Variants in MACROD1 observed in about 807,000 individuals in gnomAD.
The protein encoded by MACROD1 is mono-ADP ribosylhydrolase 1.
MACROD1 carries 31 observed loss-of-function variants against 41.4 expected under a neutral mutation model. The observed-to-expected ratio is 0.75, with a 90% CI of 0.56 to 1.01. MACROD1 has a LOEUF of 1.01. MACROD1 is among the 50% of genes least tolerant of loss of function. The probability of loss-of-function intolerance (pLI) is 0.00; values close to 1 mark genes in which losing one functional copy is unlikely to be tolerated. For missense variants in MACROD1, 473 were observed against 460.0 expected (o/e 1.03, Z -0.26); for synonymous variants, 252 against 203.4 (o/e 1.24, Z -2.03).
chr11:64,152,366 T>C lies in MACROD1; in HGVS notation c.326A>G (p.Gln109Arg). ...CTTGCAGAAGTAATGTTCCTCCCGC[T>C]GCTTGTCACTCAGGCCCTTCAGAAA... ...KSFLKGLSDKQREEHYFCKDF... is the reference protein window; with the variant it reads ...KSFLKGLSDKRREEHYFCKDF... The change falls in exon 2 of 11, where the codon CAG becomes CGG. Residue 109 changes from glutamine (Q) to arginine (R), a missense_variant. Physicochemically the swap from Gln to Arg is conservative, Grantham distance 43. Coordinates refer to ENST00000255681, the MANE Select transcript of MACROD1 (RefSeq NM_014067.4). 3 of 1,614,252 alleles carry C rather than the reference T, an allele frequency of 1.9e-6. No homozygotes were observed. Among genetic ancestry groups the C allele is most frequent in the Non-Finnish European group, 2.5e-6 (3 of 1,180,040 alleles).
At chr11:64,089,600 G>A (rs576068402) in intron 3 of MACROD1, among the ~76,000 whole-genome samples, 3 of 152,344 alleles carry the variant, frequency 2.0e-5, no homozygotes, top group East Asian at 1.9e-4. Context: ...AAAACTTGGG[G>A]AGACTGTTCT....
chr11:64,148,926 G>T (rs1357685447), intron 3 of MACROD1: 3 of 985,364 alleles, frequency 3.0e-6, no homozygotes, highest in Non-Finnish European at 3.6e-6. Flanking sequence ...CAAAGCCCTG[G>T]ACGGCTGAAA....
At chr11:64,052,600 A>G (rs1943714698) in intron 3 of MACROD1, among the ~76,000 whole-genome samples, 2 of 152,202 alleles carry the variant, frequency 1.3e-5, no homozygotes, top group African/African-American at 4.8e-5. Flanking sequence ...TGGCTAATCA[A>G]TCCCAGCCCT....
intron 3 of MACROD1, chr11:64,117,191 G>A (rs147204811): frequency 5.0e-6 from 8 of 1,614,060 alleles, no homozygotes; most frequent in African/African-American, 1.3e-5. Context: ...ACCTGACCAC[G>A]CTGCCCCGCG....
At chr11:64,107,491 A>G (rs2248594) in intron 3 of MACROD1, among the ~76,000 whole-genome samples, 152,331 of 152,380 alleles carry the variant, frequency 1, 76,141 homozygotes, top group Middle Eastern at 1. Flanking sequence ...CACCAGCGCC[A>G]CCCAGCCGGC....
At chr11:64,138,622 T>C in intron 3 of MACROD1, 1 of 868,804 alleles carries the variant, frequency 1.2e-6, no homozygotes, top group Non-Finnish European at 1.4e-6. Context: ...CGGGCCTCTC[T>C]CCCCAACTGC....
intron 3 of MACROD1, among the ~76,000 whole-genome samples, chr11:64,028,119 C>T (rs1291121330): frequency 6.6e-6 from 1 of 150,946 alleles, no homozygotes. Flanking sequence ...GCGGAAGAAG[C>T]AGTTGTGTCT....
intron 3 of MACROD1, among the ~76,000 whole-genome samples, chr11:64,024,009 T>C (rs1943193667): frequency 6.6e-6 from 1 of 152,066 alleles, no homozygotes; most frequent in Non-Finnish European, 1.5e-5. Context: ...CACCCCAAGC[T>C]GTCCCCTAAA....
chr11:64,035,243 G>A (rs1391831634), intron 3 of MACROD1, among the ~76,000 whole-genome samples: 2 of 152,100 alleles, frequency 1.3e-5, no homozygotes, highest in African/African-American at 2.4e-5. Flanking sequence ...GGTGGGAGGG[G>A]TATTGCTGGG....
chr11:64,117,781 T>A, intron 3 of MACROD1: 1 of 1,614,106 alleles, frequency 6.2e-7, no homozygotes, highest in Non-Finnish European at 8.5e-7. Context: ...ACCTACATCA[T>A]CTGCATGGTC....
intron 1 of MACROD1, among the ~76,000 whole-genome samples, chr11:64,162,769 C>T (rs1945775315): frequency 6.6e-6 from 1 of 150,472 alleles, no homozygotes; most frequent in Non-Finnish European, 1.5e-5. Context: ...GAACCAAGGT[C>T]GCGCCACTGC....
At chr11:64,027,143 G>A (rs558849432) in intron 3 of MACROD1, among the ~76,000 whole-genome samples, 3 of 152,326 alleles carry the variant, frequency 2.0e-5, no homozygotes, top group South Asian at 2.1e-4. Flanking sequence ...TGAGGCCACC[G>A]ATGTCACAGA....
intron 3 of MACROD1, among the ~76,000 whole-genome samples, chr11:64,050,663 G>A (rs1246339407): frequency 6.6e-6 from 1 of 152,258 alleles, no homozygotes; most frequent in African/African-American, 2.4e-5. Context: ...TTGTCGCCCA[G>A]GCTGGAGTGC....
intron 3 of MACROD1, among the ~76,000 whole-genome samples, chr11:64,114,782 G>A (rs942501305): frequency 6.6e-6 from 1 of 152,138 alleles, no homozygotes; most frequent in Non-Finnish European, 1.5e-5. Flanking sequence ...TGAATGTACA[G>A]GTGGATGGAT....
intron 3 of MACROD1, among the ~76,000 whole-genome samples, chr11:64,105,964 G>C (rs528314302): frequency 8.8e-6 from 1 of 113,418 alleles, no homozygotes; most frequent in Non-Finnish European, 1.7e-5. Flanking sequence ...ATCCGTGAGT[G>C]TATCTGTGGG....
intron 3 of MACROD1, among the ~76,000 whole-genome samples, chr11:64,145,458 C>A (rs1345225184): frequency 1.3e-5 from 2 of 152,100 alleles, no homozygotes; most frequent in Non-Finnish European, 2.9e-5. Flanking sequence ...GTGTGCCAGG[C>A]CCTGGGCCCA....
intron 1 of MACROD1, among the ~76,000 whole-genome samples, chr11:64,152,643 C>G (rs897976252): frequency 6.6e-6 from 1 of 152,162 alleles, no homozygotes; most frequent in Non-Finnish European, 1.5e-5. Flanking sequence ...CATCGCAGAC[C>G]TGGGTTGTGA....
intron 3 of MACROD1, among the ~76,000 whole-genome samples, chr11:64,065,600 T>C (rs189711925): frequency 0.012 from 1,778 of 148,402 alleles, 32 homozygotes; most frequent in South Asian, 0.045. Flanking sequence ...CCATCCTGGC[T>C]AACACGGTGA....
intron 1 of MACROD1, among the ~76,000 whole-genome samples, chr11:64,158,196 CCACCTTGAGTCACCAAGGAGAGGATGG>C (rs1245201980): frequency 6.6e-6 from 1 of 152,104 alleles, no homozygotes; most frequent in African/African-American, 2.4e-5. Flanking sequence ...CGTAGCAGCC[CCACCTTGAGTCACCAAGGAGAGGATGG>C]CTTAGGCTGT....
Sources: gnomAD v4.1 joint callset for allele counts (sites outside exome capture counted in the v4.1 genomes callset) on GRCh38, gnomAD v4.1.1 for gene constraint, MANE v1.5 for transcripts, NCBI Gene and HGNC (gene_info 2026-07-23, HGNC 2026-07-21) for gene names.